The following SLC4A1 variants were observed in gnomAD, a reference collection of about 807,000 sequenced individuals.
The protein encoded by SLC4A1 is band 3 anion transport protein.
Under a neutral mutation model 93.1 loss-of-function variants are expected in SLC4A1, and 29 were observed. That is an observed-to-expected ratio of 0.31 (90% CI 0.23 to 0.42). The LOEUF (loss-of-function observed/expected upper bound fraction) is 0.42, where lower values mean the gene tolerates loss of function less well. Among genes scored for constraint, SLC4A1 ranks in the 20% least tolerant of loss-of-function variants. The pLI, the probability that SLC4A1 is intolerant of heterozygous loss-of-function variation, is 1.00. For missense variants in SLC4A1, 965 were observed against 1,190.1 expected (o/e 0.81, Z 2.78); for synonymous variants, 469 against 497.2 (o/e 0.94, Z 0.76).
Position 44,260,529 on chromosome 17 carries a change from G to A in SLC4A1, c.360C>T (p.Leu120=), listed in dbSNP as rs1448717995. Residue 120 remains leucine, a synonymous_variant, in exon 6 of 20, where the codon CTC becomes CTT. Transcript: ENST00000262418. ...LRRVFTKGTV[L]LDLQETSLAG... Reference sequence around the variant, plus strand: ...CCAGGGAGGTCTCTTGCAGGTCTAGGAGGACAGTACCTGCAGGCAGTGGAG... The same window carrying A: ...CCAGGGAGGTCTCTTGCAGGTCTAGAAGGACAGTACCTGCAGGCAGTGGAG... The A allele has an allele frequency of 1.2e-6, 2 of 1,614,218 alleles. No individual in the cohort carries two copies. Among genetic ancestry groups the A allele is most frequent in the African/African-American group, 1.3e-5 (1 of 75,068 alleles).
In SLC4A1 at chr17:44,255,657, A is replaced by G. The variant is rs756665343; in HGVS notation, c.1800+16T>C. On this transcript the variant is annotated intron_variant, in intron 14 of 19. Coordinates refer to ENST00000262418, the MANE Select transcript of SLC4A1 (RefSeq NM_000342.4). Reference sequence around the variant, plus strand: ...AGGGCAGTGTTGGCAAGGACAGGCGAGGAGGGTATGCTGACCTTGCCAGGG... The same window carrying G: ...AGGGCAGTGTTGGCAAGGACAGGCGGGGAGGGTATGCTGACCTTGCCAGGG... 3.1e-6 allele frequency: 5 copies of G among 1,613,168 alleles called. No homozygotes were observed. Among genetic ancestry groups the G allele is most frequent in the Non-Finnish European group, 4.2e-6 (5 of 1,179,778 alleles).
intron 16 of SLC4A1, among the ~76,000 whole-genome samples, chr17:44,253,838 A>G (rs1335736290): frequency 2.0e-5 from 3 of 150,758 alleles, no homozygotes; most frequent in Non-Finnish European, 4.4e-5. Context: ...CACTCGGTTA[A>G]TTTTTGTATT....
At position 44,255,160 on chromosome 17, in the gene SLC4A1, G is replaced by A. The variant is rs115670603; in HGVS notation, c.1890+47C>T. The A allele has an allele frequency of 5.6e-4, 760 of 1,354,242 alleles. 6 individuals carry two copies. In the African/African-American group the frequency reaches 9.3e-3, roughly 17 times the overall value. The allele number at this position is 1,354,242 out of a possible 1,614,324, so 83.9% of individuals were successfully genotyped here. ...AAGGGGCATGCTGGGGGGTGGAAAT[G>A]AGGACCTGGGGGGTATCATGGTCTG... On this transcript the variant is annotated intron_variant, in intron 15 of 19. Transcript: ENST00000262418.
chr17:44,265,330 A>G (rs1451673873), intron 1 of SLC4A1, among the ~76,000 whole-genome samples: 1 of 152,060 alleles, frequency 6.6e-6, no homozygotes, highest in East Asian at 1.9e-4. Context: ...GGGTGGAGTC[A>G]CCGGAGGAGG....
In SLC4A1 at chr17:44,253,469, G is replaced by C. The variant is rs953967340; in HGVS notation, c.2058-98C>G. The C allele has an allele frequency of 1.4e-5, 20 of 1,481,112 alleles. No individual in the cohort carries two copies. The South Asian group carries it at 2.1e-4, about 15-fold the overall frequency. The allele number at this position is 1,481,112 out of a possible 1,614,324, so 91.7% of individuals were successfully genotyped here. A position where few individuals can be genotyped will look rare whatever the true frequency, so the allele number is the denominator to read the frequency against. On this transcript the variant is annotated intron_variant, in intron 16 of 19. Coordinates refer to ENST00000262418, the MANE Select transcript of SLC4A1 (RefSeq NM_000342.4). ...CTTGGTGTCCTTGTAGCTCAGTTTT[G>C]TCTTCTGTGCCCCTCGCTCTTTGAG...
intron 19 of SLC4A1, among the ~76,000 whole-genome samples, chr17:44,250,747 A>G (rs911688284): frequency 2.0e-5 from 3 of 152,188 alleles, no homozygotes; most frequent in African/African-American, 7.2e-5. Flanking sequence ...GGACCCTGGC[A>G]GGGGAGGGCC....
intron 3 of SLC4A1, chr17:44,262,203 G>T: frequency 2.5e-6 from 1 of 395,702 alleles, no homozygotes; most frequent in Non-Finnish European, 3.8e-6. Context: ...CCTGCCTGGG[G>T]CTCCCCACCT....
chr17:44,258,971 C>T lies in SLC4A1; in HGVS notation c.876+192G>A, dbSNP rs527979523. ...CTAAGCCAGGCCAAAGCCAACCAGA[C>T]GAGACCAGGCCAGAGCAGGGCCAGA... On this transcript the variant is annotated intron_variant, in intron 9 of 19. Transcript: ENST00000262418. The surrounding 1 kb of genome is among the most constrained non-coding windows in gnomAD (Gnocchi z 6.1). Among the ~76,000 whole-genome samples, 113 of 152,264 alleles carry T rather than the reference C, an allele frequency of 7.4e-4. 1 individual carries two copies. The South Asian group carries it at 8.1e-3, about 11-fold the overall frequency.
At position 44,251,583 on chromosome 17, in the gene SLC4A1, A is replaced by G. The variant is rs121912753; in HGVS notation, c.2317T>C (p.Ser773Pro). The change falls in exon 18 of 20, where the codon TCC (serine) becomes CCC (proline). Residue 773 changes from serine (S) to proline (P), a missense_variant. Coordinates refer to ENST00000262418, the MANE Select transcript of SLC4A1 (RefSeq NM_000342.4). ...GLLVAVLVGLSILMEPILSRI... is the reference protein window; with the variant it reads ...GLLVAVLVGLPILMEPILSRI... ...GACAGGATGGGCTCCATGAGGATGG[A>G]CAGGCCTGTGGGGGAGCCGCACACT... The G allele has an allele frequency of 6.2e-7, 1 of 1,613,934 alleles. No homozygotes were observed. Among genetic ancestry groups the G allele is most frequent in the Non-Finnish European group, 8.5e-7 (1 of 1,179,968 alleles).
rs776491345 is a variant in SLC4A1 at position 44,255,849 on chromosome 17, G to A, written c.1627-3C>T. ...TGTAGTGGGTGGTCCTGGAAGATCT[G>A]CAGCAGAAAACCAAGGCATTCTGTT... On this transcript the variant is annotated splice_region_variant and splice_polypyrimidine_tract_variant and intron_variant, in intron 13 of 19. Coordinates refer to ENST00000262418, the MANE Select transcript of SLC4A1 (RefSeq NM_000342.4). 11 of 1,614,132 alleles carry A rather than the reference G, an allele frequency of 6.8e-6. No individual in the cohort carries two copies. The Admixed American group carries it at 1.8e-4, about 27-fold the overall frequency.
rs756019000 is a variant in SLC4A1, at chr17:44,251,180, G to A, written c.2634C>T (p.Phe878=). Residue 878 remains phenylalanine (F), a synonymous_variant, in exon 19 of 20, where the codon TTC becomes TTT. Coordinates refer to ENST00000262418, the MANE Select transcript of SLC4A1 (RefSeq NM_000342.4). ...TCACACACTGAAGCTCCACGTTCCT[G>A]AAGATGAGCGGCAGCAGGACGCGCC... ...PLRRVLLPLI[F]RNVELQCLDA... The A allele has an allele frequency of 1.2e-6, 2 of 1,609,106 alleles. No individual in the cohort carries two copies. The highest frequency in any genetic ancestry group is 1.7e-6 in the Non-Finnish European group (2 of 1,177,866).
Position 44,258,668 on chromosome 17 carries a change from G to T in SLC4A1, c.877-45C>A. On this transcript the variant is annotated intron_variant, in intron 9 of 19. Coordinates refer to ENST00000262418, the MANE Select transcript of SLC4A1 (RefSeq NM_000342.4). This position sits in a 1 kb window ranked among gnomAD's most constrained non-coding sequence, Gnocchi z 6.1. The stretch of plus-strand genomic sequence containing the variant: ...TCAGAGCTGCCCGGACCTGCGGAGG[G>T]AAAGGACCCAGGAGTCCACAGCCAG... The T allele has an allele frequency of 3.9e-6, 6 of 1,542,772 alleles. No homozygotes were observed. Among genetic ancestry groups the T allele is most frequent in the Non-Finnish European group, 5.3e-6 (6 of 1,140,554 alleles).
intron 13 of SLC4A1, among the ~76,000 whole-genome samples, chr17:44,256,886 CAT>C (rs2047393849): frequency 1.3e-5 from 2 of 152,204 alleles, no homozygotes; most frequent in Non-Finnish European, 2.9e-5. Flanking sequence ...GACACAGACA[CAT>C]ATGTTGTCAC....
intron 1 of SLC4A1, among the ~76,000 whole-genome samples, chr17:44,263,938 A>T (rs554610346): frequency 2.2e-3 from 332 of 149,800 alleles, no homozygotes; most frequent in African/African-American, 5.4e-3. Flanking sequence ...CAGGTAATTA[A>T]AAAAAAAAAA....
chr17:44,259,610 C>A, intron 7 of SLC4A1, 29 bp from the exon 8 acceptor site: 1 of 1,586,204 alleles, frequency 6.3e-7, no homozygotes, highest in Non-Finnish European at 8.7e-7. Flanking sequence ...TGACGGGAGT[C>A]CTCGGGCCAG....
chr17:44,258,301 T>C lies in SLC4A1; in HGVS notation c.1087+112A>G. 1.4e-6 allele frequency: 2 copies of C among 1,418,942 alleles called. No homozygotes were observed. Among genetic ancestry groups the C allele is most frequent in the Non-Finnish European group, 2.0e-6 (2 of 1,005,262 alleles). 87.9% of individuals were successfully genotyped at this position (1,418,942 alleles called of 1,614,324 possible). On this transcript the variant is annotated intron_variant, in intron 10 of 19. Transcript: ENST00000262418. This position sits in a 1 kb window ranked among gnomAD's most constrained non-coding sequence, Gnocchi z 6.1. ...TGGGGCGGCGAAGAAGTCTGGAAGA[T>C]GTGGGCAAAGGGAGCGATGAGAGGG...
At chr17:44,261,732 A>G in intron 3 of SLC4A1, 96 bp from the exon 4 acceptor site, 2 of 1,605,014 alleles carry the variant, frequency 1.2e-6, no homozygotes, top group Non-Finnish European at 1.7e-6. Flanking sequence ...GCATGGGCAG[A>G]TGCCCCTCCT....
intron 1 of SLC4A1, among the ~76,000 whole-genome samples, chr17:44,263,180 T>C (rs563171506): frequency 6.6e-6 from 1 of 152,240 alleles, no homozygotes; most frequent in Admixed American, 6.5e-5. Flanking sequence ...CGAAGGATGT[T>C]TGGGGAAGAT....
chr17:44,263,323 C>A (rs1464980725), intron 1 of SLC4A1, among the ~76,000 whole-genome samples: 1 of 152,120 alleles, frequency 6.6e-6, no homozygotes, highest in African/African-American at 2.4e-5. Context: ...GCTTAGCTCC[C>A]CTGAGGGGCT....
Sources: allele counts gnomAD v4.1 joint callset (sites outside exome capture counted in the v4.1 genomes callset), GRCh38; gene constraint gnomAD v4.1.1; non-coding constraint Gnocchi (gnomAD v3.1); transcripts MANE v1.5; gene names NCBI Gene and HGNC (gene_info 2026-07-23, HGNC 2026-07-21).